DNAH14: variants seen among roughly 807,000 people sequenced by gnomAD.
The protein encoded by DNAH14 is axonemal beta dynein heavy chain 14.
DNAH14 carries 478 observed loss-of-function variants against 520.9 expected under a neutral mutation model. That is an observed-to-expected ratio of 0.92 (90% CI 0.85 to 0.99). The LOEUF is 0.99. DNAH14 is among the 50% of genes least tolerant of loss of function. DNAH14 has a pLI of 0.00. For synonymous variants in DNAH14, 1,581 were observed against 1,757.2 expected (o/e 0.90, Z 2.51); for missense variants, 4,831 against 5,234.5 (o/e 0.92, Z 2.38).
rs2077925584 is a variant in DNAH14, at chr1:225,127,863, T to C, written c.4254+4249T>C. Among the ~76,000 whole-genome samples, 3 of 152,328 alleles carry C rather than the reference T, an allele frequency of 2.0e-5. No homozygotes were observed. In the South Asian group the frequency reaches 6.2e-4, roughly 32 times the overall value. ...GGCTGGTAACAGTTGTTCCTTTCCA[T>C]GTTTAGTGCTTCCTTCAGGAGCTCT... is the stretch of plus-strand genomic sequence containing the variant. On this transcript the variant is annotated intron_variant, in intron 27 of 85. Coordinates refer to ENST00000682510, the MANE Select transcript of DNAH14 (RefSeq NM_001367479.1).
At chr1:224,954,048 G>A (rs1358152505) in intron 2 of DNAH14, among the ~76,000 whole-genome samples, 2 of 152,028 alleles carry the variant, frequency 1.3e-5, no homozygotes, top group African/African-American at 4.8e-5. Flanking sequence ...TGCTCAAAAT[G>A]TGTAAATAAC....
rs928563811 is a variant in DNAH14, at chr1:225,260,000, A to G, written c.7157+747A>G. ...AATGACAAGATTGCCTTCCTTTAAA[A>G]GACTAAATAGTATTCCATTATATAT... On this transcript the variant is annotated intron_variant, in intron 46 of 85. Coordinates refer to ENST00000682510, the MANE Select transcript of DNAH14 (RefSeq NM_001367479.1). Among the ~76,000 whole-genome samples, 3 of 152,138 alleles carry G rather than the reference A, an allele frequency of 2.0e-5. No homozygotes were observed. The East Asian group carries it at 5.8e-4, about 29-fold the overall frequency.
intron 26 of DNAH14, among the ~76,000 whole-genome samples, chr1:225,119,562 T>C (rs2077133439): frequency 6.6e-6 from 1 of 152,220 alleles, no homozygotes; most frequent in Admixed American, 6.5e-5. Context: ...TTTGTGTACG[T>C]TGAGATTCAG....
intron 42 of DNAH14, among the ~76,000 whole-genome samples, chr1:225,231,679 A>G (rs2091127048): frequency 6.6e-6 from 1 of 152,094 alleles, no homozygotes; most frequent in African/African-American, 2.4e-5. Flanking sequence ...TTGCTTTCGA[A>G]TGATAAAACA....
At chr1:225,326,108 T>G (rs780458892) in intron 64 of DNAH14, among the ~76,000 whole-genome samples, 1 of 152,268 alleles carries the variant, frequency 6.6e-6, no homozygotes, top group Non-Finnish European at 1.5e-5. Flanking sequence ...TATTTAGCAC[T>G]TACTGTGTTC....
intron 45 of DNAH14, among the ~76,000 whole-genome samples, chr1:225,258,625 A>C (rs971304100): frequency 1.3e-5 from 2 of 152,192 alleles, no homozygotes; most frequent in African/African-American, 4.8e-5. Flanking sequence ...TCATTTTCCC[A>C]GTTCCATATG....
At chr1:225,357,316 A>G (rs1415969044) in intron 73 of DNAH14, among the ~76,000 whole-genome samples, 2 of 131,494 alleles carry the variant, frequency 1.5e-5, no homozygotes, top group Non-Finnish European at 3.1e-5. Context: ...TCCTACCTCT[A>G]AAAAAAAAAA....
intron 8 of DNAH14, among the ~76,000 whole-genome samples, chr1:224,985,446 G>A (rs1382730936): frequency 6.6e-6 from 1 of 151,744 alleles, no homozygotes; most frequent in East Asian, 1.9e-4. Context: ...TGATACAATG[G>A]ACTTTGGGGA....
intron 61 of DNAH14, among the ~76,000 whole-genome samples, chr1:225,322,417 C>G (rs934347215): frequency 3.3e-5 from 5 of 152,198 alleles, no homozygotes; most frequent in African/African-American, 9.6e-5. Flanking sequence ...AACTAATTAG[C>G]CTTTAACTCA....
rs190349552 is a variant in DNAH14, at chr1:225,158,153, T to C, written c.5274-1161T>C. 3.8e-3 allele frequency among the ~76,000 whole-genome samples: 582 copies of C among 152,306 alleles called. 3 individuals are homozygous for C. Among genetic ancestry groups the C allele is most frequent in the African/African-American group, 0.013 (552 of 41,556 alleles). On this transcript the variant is annotated intron_variant, in intron 34 of 85. Coordinates refer to ENST00000682510, the MANE Select transcript of DNAH14 (RefSeq NM_001367479.1). ...TCATAGCATGTGTAGTTACTTTTTT[T>C]TCTTTTGATTACATGTTTAATATAT...
chr1:225,125,985 GGA>G (rs914019503), intron 27 of DNAH14, among the ~76,000 whole-genome samples: 1 of 152,132 alleles, frequency 6.6e-6, no homozygotes, highest in Admixed American at 6.6e-5. Flanking sequence ...CGAAGAAGAA[GGA>G]GAGAGATGGG....
intron 69 of DNAH14, among the ~76,000 whole-genome samples, chr1:225,342,079 C>A (rs895112517): frequency 6.6e-6 from 1 of 152,136 alleles, no homozygotes; most frequent in Non-Finnish European, 1.5e-5. Context: ...TTATAATGTC[C>A]ACTTCTGATT....
chr1:225,364,828 T>G lies in DNAH14; in HGVS notation c.12024T>G (p.Phe4008Leu). The change falls in exon 76 of 86, where the codon TTT (phenylalanine) becomes TTG (leucine). Residue 4008 changes from phenylalanine (F) to leucine (L), a missense_variant. Phe to Leu is a conservative substitution (Grantham distance 22, BLOSUM62 0). Coordinates refer to ENST00000682510, the MANE Select transcript of DNAH14 (RefSeq NM_001367479.1). ...NSPNVTIDPEFRLWLSSKSYS... is the reference protein window; with the variant it reads ...NSPNVTIDPELRLWLSSKSYS... ...CAAACGTGACAATAGACCCTGAGTTTCGGCTATGGTTAAGCTCAAAATCAT... is the reference window on the plus strand; with the variant it reads ...CAAACGTGACAATAGACCCTGAGTTGCGGCTATGGTTAAGCTCAAAATCAT... 1.9e-6 allele frequency: 3 copies of G among 1,548,972 alleles called. No homozygotes were observed. The highest frequency in any genetic ancestry group is 2.6e-6 in the Non-Finnish European group (3 of 1,146,130).
chr1:225,005,987 C>T (rs772977142), intron 9 of DNAH14, among the ~76,000 whole-genome samples: 12 of 152,090 alleles, frequency 7.9e-5, no homozygotes, highest in East Asian at 3.9e-4. Flanking sequence ...GGACCCCAAA[C>T]GGAGGGACCG....
chr1:225,085,647 C>T lies in DNAH14; in HGVS notation c.3431C>T (p.Thr1144Ile). The change falls in exon 21 of 86, where the codon ACT becomes ATT. Residue 1144 changes from threonine to isoleucine, a missense_variant. Physicochemically the swap from Thr to Ile is moderately conservative, Grantham distance 89. Transcript: ENST00000682510. ...AAGATTATTGATTTTTGGAACACTA[C>T]TCCTTTGCCTTTAATTCTTCACCAC... ...LFKIIDFWNT[T>I]PLPLILHHTE... 1 of 1,551,276 alleles carries T rather than the reference C, an allele frequency of 6.4e-7. No homozygotes were observed. Among genetic ancestry groups the T allele is most frequent in the Non-Finnish European group, 8.7e-7 (1 of 1,146,768 alleles).
At chr1:225,005,491 A>G (rs922396201) in intron 9 of DNAH14, among the ~76,000 whole-genome samples, 2 of 152,154 alleles carry the variant, frequency 1.3e-5, no homozygotes, top group Admixed American at 1.3e-4. Flanking sequence ...TACTGGATAA[A>G]TGCAGGTATA....
chr1:225,163,479 ATACTAGCTGTGGG>A (rs958146385), intron 35 of DNAH14, among the ~76,000 whole-genome samples: 124 of 152,268 alleles, frequency 8.1e-4, no homozygotes, highest in African/African-American at 2.6e-3. Context: ...ATTTAGTGTG[ATACTAGCTGTGGG>A]TCTGTCATGT....
Position 225,140,815 on chromosome 1 carries a change from T to C in DNAH14, c.4302T>C (p.Ser1434=). The C allele has an allele frequency of 1.9e-6, 3 of 1,550,784 alleles. No homozygotes were observed. Among genetic ancestry groups the C allele is most frequent in the Non-Finnish European group, 2.6e-6 (3 of 1,146,884 alleles). The change falls in exon 28 of 86, where the codon TCT becomes TCC. Residue 1434 remains serine, a synonymous_variant. Coordinates refer to ENST00000682510, the MANE Select transcript of DNAH14 (RefSeq NM_001367479.1). ...ATTGTGTTAAAAGTTTTGTGAGTTC[T>C]TATTCAAGAGAAAAATTGGAAAAAG... is the stretch of plus-strand genomic sequence containing the variant. The part of the protein sequence containing the change: ...YNDCVKSFVS[S]YSREKLEKVH...
At chr1:225,368,068 T>C in intron 77 of DNAH14, 36 bp downstream of exon 77, 2 of 1,477,616 alleles carry the variant, frequency 1.4e-6, no homozygotes, top group Non-Finnish European at 9.1e-7. Context: ...AACAAATAAG[T>C]AACAATAAGA....
Sources: allele counts gnomAD v4.1 joint callset (sites outside exome capture counted in the v4.1 genomes callset), GRCh38; gene constraint gnomAD v4.1.1; transcripts MANE v1.5; gene names NCBI Gene and HGNC (gene_info 2026-07-23, HGNC 2026-07-21).